ABCC5: variants seen among roughly 807,000 people sequenced by gnomAD.
The protein encoded by ABCC5 is ATP-binding cassette sub-family C member 5.
ABCC5 carries 61 observed loss-of-function variants against 160.9 expected under a neutral mutation model. The ratio of observed to expected loss-of-function variants is 0.38; its 90% CI spans 0.31 to 0.47. The LOEUF (loss-of-function observed/expected upper bound fraction) is 0.47, where lower values mean the gene tolerates loss of function less well. ABCC5 is among the 20% of genes least tolerant of loss of function. The pLI is 0.99. For synonymous variants in ABCC5, 666 were observed against 700.6 expected (o/e 0.95, Z 0.78); for missense variants, 1,308 against 1,813.3 (o/e 0.72, Z 5.06).
chr3:183,987,349 A>C lies in ABCC5; in HGVS notation c.591+421T>G, dbSNP rs981015509. The C allele has an allele frequency of 5.1e-6, 2 of 391,502 alleles. No homozygotes were observed. Among genetic ancestry groups the C allele is most frequent in the Non-Finnish European group, 9.3e-6 (2 of 216,020 alleles). 24.3% of individuals were successfully genotyped at this position (391,502 alleles called of 1,614,324 possible). ...TTTTCTCAGGGCTTATTTGCCACAGACCTGCCAAACATGTGATAACTGCCT... is the reference window on the plus strand; with the variant it reads ...TTTTCTCAGGGCTTATTTGCCACAGCCCTGCCAAACATGTGATAACTGCCT... On this transcript the variant is annotated intron_variant, in intron 5 of 29. Coordinates refer to ENST00000334444, the MANE Select transcript of ABCC5 (RefSeq NM_005688.4). This position sits in a 1 kb window ranked among gnomAD's most constrained non-coding sequence, Gnocchi z 4.2.
In ABCC5 at chr3:183,921,268, TAAAGA is replaced by T; in HGVS notation, c.*27_*31del. 7.5e-7 allele frequency: 1 copy of T among 1,339,380 alleles called. No homozygotes were observed. Among genetic ancestry groups the T allele is most frequent in the Non-Finnish European group, 1.1e-6 (1 of 943,320 alleles). The allele number at this position is 1,339,380 out of a possible 1,614,324, so 83.0% of individuals were successfully genotyped here. A position where few individuals can be genotyped will look rare whatever the true frequency, so the allele number is the denominator to read the frequency against. On this transcript the variant is annotated 3_prime_UTR_variant, in exon 30 of 30. Coordinates refer to ENST00000334444, the MANE Select transcript of ABCC5 (RefSeq NM_005688.4). This position sits in a 1 kb window ranked among gnomAD's most constrained non-coding sequence, Gnocchi z 4.1. ...CCCCAGGCAGGGAATGGCAATGCTC[TAAAGA>T]AAAGAGACTTCGTCAACAGGGAGGA...
chr3:184,016,747 A>T (rs1722224276), intron 1 of ABCC5, among the ~76,000 whole-genome samples: 1 of 152,222 alleles, frequency 6.6e-6, no homozygotes. Flanking sequence ...GGAGAACCCC[A>T]AAGAAGTGCC....
At chr3:183,994,752 C>A (rs1376570024) in intron 2 of ABCC5, among the ~76,000 whole-genome samples, 1 of 151,962 alleles carries the variant, frequency 6.6e-6, no homozygotes, top group African/African-American at 2.4e-5. Context: ...TTTGCACTAC[C>A]CTAATGGTGA....
At chr3:183,922,622 C>G (rs950345923) in intron 29 of ABCC5, among the ~76,000 whole-genome samples, 11 of 152,210 alleles carry the variant, frequency 7.2e-5, no homozygotes, top group Non-Finnish European at 1.3e-4. Flanking sequence ...CATGTGGCAG[C>G]AGAACCCTGA....
At chr3:183,994,663 C>T (rs754640381) in intron 2 of ABCC5, among the ~76,000 whole-genome samples, 1 of 151,990 alleles carries the variant, frequency 6.6e-6, no homozygotes, top group Non-Finnish European at 1.5e-5. Context: ...CGTGAGCCAC[C>T]GCACCTGGCC....
chr3:183,923,519 A>T (rs1712213594), intron 29 of ABCC5, among the ~76,000 whole-genome samples: 1 of 152,164 alleles, frequency 6.6e-6, no homozygotes, highest in South Asian at 2.1e-4. Context: ...GCTGCTCAGG[A>T]GACTGAGGCA....
chr3:183,984,326 A>G, intron 5 of ABCC5: 13 of 985,952 alleles, frequency 1.3e-5, no homozygotes, highest in Non-Finnish European at 1.6e-5. Flanking sequence ...AGCCAAACCA[A>G]TCCCCCACCC....
intron 5 of ABCC5, chr3:183,986,779 A>G (rs527716881): frequency 6.6e-6 from 1 of 152,306 alleles, no homozygotes; most frequent in Non-Finnish European, 1.5e-5. Flanking sequence ...GGTAAATTAC[A>G]TAACACAACA....
intron 17 of ABCC5, among the ~76,000 whole-genome samples, chr3:183,959,085 T>TCACA (rs1716500682): frequency 1.7e-5 from 2 of 115,268 alleles, no homozygotes; most frequent in African/African-American, 7.1e-5. Flanking sequence ...ACACACACAG[T>TCACA]GTTTGTGTGT....
At position 183,989,309 on chromosome 3, in the gene ABCC5, C is replaced by T; in HGVS notation, c.204G>A (p.Gln68=). Residue 68 remains glutamine (Q), a synonymous_variant, in exon 3 of 30, where the codon CAG becomes CAA. Transcript: ENST00000334444. Reference sequence around the variant, plus strand: ...GATGCTCCTCATCCAGGATTCTGAGCTGAGAATGCATGGAGGCATCAAGAG... The same window carrying T: ...GATGCTCCTCATCCAGGATTCTGAGTTGAGAATGCATGGAGGCATCAAGAG... ...GLSLDASMHS[Q]LRILDEEHPK... is the part of the protein sequence containing the mutation. 1 of 1,614,072 alleles carries T rather than the reference C, an allele frequency of 6.2e-7. No individual in the cohort carries two copies. Among genetic ancestry groups the T allele is most frequent in the Non-Finnish European group, 8.5e-7 (1 of 1,180,030 alleles).
chr3:184,006,511 C>T (rs1053333088), intron 2 of ABCC5: 1 of 152,082 alleles, frequency 6.6e-6, no homozygotes, highest in Non-Finnish European at 1.5e-5. Flanking sequence ...ATTCACACGT[C>T]CTTAGTCTGT....
chr3:183,925,448 C>T, intron 29 of ABCC5, 107 bp downstream of exon 29: 1 of 1,181,906 alleles, frequency 8.5e-7, no homozygotes. Flanking sequence ...GCTGCAAGTG[C>T]TTATCTGAAT....
intron 8 of ABCC5, among the ~76,000 whole-genome samples, chr3:183,978,980 T>C (rs1472202613): frequency 6.6e-6 from 1 of 152,174 alleles, no homozygotes; most frequent in Non-Finnish European, 1.5e-5. Context: ...GCTTACCTGG[T>C]TGTTGTTGAC....
In ABCC5 at chr3:183,983,706, C is replaced by T. The variant is rs1052069821; in HGVS notation, c.592-699G>A. On this transcript the variant is annotated intron_variant, in intron 5 of 29. Transcript: ENST00000334444. Reference sequence around the variant, plus strand: ...GCTGAGGTCCTGCAACGCCGGAGCACACACTCACACAAGGCACATTCAGCA... The same window carrying T: ...GCTGAGGTCCTGCAACGCCGGAGCATACACTCACACAAGGCACATTCAGCA... The T allele has an allele frequency of 3.0e-6, 3 of 984,312 alleles. No homozygotes were observed. The African/African-American group carries it at 5.2e-5, about 17-fold the overall frequency. The allele number at this position is 984,312 out of a possible 1,614,324, so 61.0% of individuals were successfully genotyped here.
intron 15 of ABCC5, among the ~76,000 whole-genome samples, chr3:183,962,363 C>T (rs1337214025): frequency 2.0e-5 from 3 of 152,014 alleles, no homozygotes; most frequent in Non-Finnish European, 4.4e-5. Flanking sequence ...CGTAAGCCAG[C>T]GACTGTCTCT....
At chr3:183,981,982 T>G in intron 7 of ABCC5, 108 bp from the exon 8 acceptor site, 4 of 1,259,302 alleles carry the variant, frequency 3.2e-6, no homozygotes, top group Non-Finnish European at 4.3e-6. Context: ...TCCTGCTTGC[T>G]AGGATGGGCC....
chr3:183,976,196 T>G (rs1479721146), intron 10 of ABCC5, among the ~76,000 whole-genome samples: 2 of 151,552 alleles, frequency 1.3e-5, no homozygotes, highest in African/African-American at 4.9e-5. Flanking sequence ...TTCTCTCTCT[T>G]CCCTCCCTCC....
intron 2 of ABCC5, chr3:184,009,792 T>A (rs1380067216): frequency 4.5e-6 from 1 of 220,148 alleles, no homozygotes; most frequent in Non-Finnish European, 9.5e-6. Context: ...ATAAAAGAAA[T>A]CTTTTAAAAA....
At chr3:184,004,963 A>G (rs1037365449) in intron 2 of ABCC5, among the ~76,000 whole-genome samples, 3 of 152,238 alleles carry the variant, frequency 2.0e-5, no homozygotes, top group Non-Finnish European at 2.9e-5. Context: ...TTGAAAACAT[A>G]TCCTGAACCC....
Sources: gnomAD v4.1 joint callset for allele counts (sites outside exome capture counted in the v4.1 genomes callset) on GRCh38, gnomAD v4.1.1 for gene constraint, Gnocchi (gnomAD v3.1) non-coding constraint, MANE v1.5 for transcripts, NCBI Gene and HGNC (gene_info 2026-07-23, HGNC 2026-07-21) for gene names.